PDE4C: variants seen among roughly 807,000 people sequenced by gnomAD.
The protein encoded by PDE4C is phosphodiesterase 4C.
PDE4C carries 50 observed loss-of-function variants against 63.9 expected under a neutral mutation model. The ratio of observed to expected loss-of-function variants is 0.78; its 90% CI spans 0.62 to 0.99. The LOEUF (loss-of-function observed/expected upper bound fraction) is 0.99, where lower values mean the gene tolerates loss of function less well. Among genes scored for constraint, PDE4C ranks in the 50% least tolerant of loss-of-function variants. The pLI is 0.00. For synonymous variants in PDE4C, 377 were observed against 385.1 expected (o/e 0.98, Z 0.25); for missense variants, 777 against 899.1 (o/e 0.86, Z 1.74).
chr19:18,234,012 AT>A (rs939617955), upstream of PDE4C, among the ~76,000 whole-genome samples: 2 of 152,202 alleles, frequency 1.3e-5, no homozygotes, highest in African/African-American at 4.8e-5. Flanking sequence ...GGACAGGGAA[AT>A]TGGCAAGGCT....
At chr19:18,213,119 A>G (rs1035248769) in intron 13 of PDE4C, among the ~76,000 whole-genome samples, 89 of 150,854 alleles carry the variant, frequency 5.9e-4, no homozygotes, top group African/African-American at 2.1e-3. Flanking sequence ...CGTCTCTACT[A>G]AAAATACAAA....
chr19:18,235,999 G>A (rs188883214), upstream of PDE4C, among the ~76,000 whole-genome samples: 9 of 152,044 alleles, frequency 5.9e-5, no homozygotes, highest in East Asian at 1.7e-3. Flanking sequence ...CTGGAGTGCA[G>A]TGGTGTGATC....
upstream of PDE4C, chr19:18,252,602 C>T (rs1191487374): frequency 5.2e-6 from 2 of 387,278 alleles, no homozygotes; most frequent in Non-Finnish European, 4.5e-6. Context: ...CTCTCTCTCT[C>T]TCTTTCTCTC....
intron 1 of PDE4C, 51 bp from the exon 2 acceptor site, chr19:18,222,374 C>T: frequency 6.5e-7 from 1 of 1,542,652 alleles, no homozygotes; most frequent in Non-Finnish European, 8.8e-7. Flanking sequence ...CAACTGGGTG[C>T]CGGGTCGTGG....
chr19:18,255,215 C>T, the PDE4C span: 1 of 398,852 alleles, frequency 2.5e-6, no homozygotes, highest in Non-Finnish European at 4.4e-6. The surrounding 1 kb of genome is among the most constrained non-coding windows in gnomAD (Gnocchi z 4.6). Flanking sequence ...TTTACCAGCT[C>T]TTACCTGTAA....
chr19:18,220,906 T>A lies in PDE4C; in HGVS notation c.467A>T (p.Asn156Ile). 2 of 1,607,076 alleles carry A rather than the reference T, an allele frequency of 1.2e-6. No individual in the cohort carries two copies. Among genetic ancestry groups the A allele is most frequent in the Non-Finnish European group, 8.5e-7 (1 of 1,177,788 alleles). ...AGGGAGCTGATTGCTGGATGAAGGG[T>A]TTCCGACGGGTCCCTGCCTGCGGTA... The change falls in exon 5 of 15, where the codon AAC becomes ATC. Residue 156 changes from asparagine to isoleucine, a missense_variant. This residue lies in a region of PDE4C where 249 missense variants were observed against 247.8 expected (regional missense o/e 1.00). Transcript: ENST00000262805. This position sits in a 1 kb window ranked among gnomAD's most constrained non-coding sequence, Gnocchi z 5.1.
chr19:18,220,768 G>T lies in PDE4C; in HGVS notation c.499+106C>A. 3 of 1,126,828 alleles carry T rather than the reference G, an allele frequency of 2.7e-6. No homozygotes were observed. The highest frequency in any genetic ancestry group is 1.3e-5 in the South Asian group (1 of 76,278). The allele number at this position is 1,126,828 out of a possible 1,614,324, so 69.8% of individuals were successfully genotyped here. On this transcript the variant is annotated intron_variant, in intron 5 of 14. Coordinates refer to ENST00000262805, the Ensembl canonical transcript of PDE4C. This position sits in a 1 kb window ranked among gnomAD's most constrained non-coding sequence, Gnocchi z 5.1. ...GGCGTTATTGTTTTTGCAGGGGCGG[G>T]GCTACAATTAGCCCCAGTATAAGGG...
exon 1 of PDE4C, chr19:18,233,124 T>C (rs1429669815): frequency 3.8e-6 from 6 of 1,560,410 alleles, no homozygotes; most frequent in African/African-American, 1.4e-5. Flanking sequence ...GGTCATGCTG[T>C]GGCGGCCGCG....
intron 1 of PDE4C, among the ~76,000 whole-genome samples, chr19:18,231,570 C>G (rs1968848583): frequency 1.3e-5 from 2 of 152,130 alleles, no homozygotes; most frequent in South Asian, 4.1e-4. Context: ...AGAGGCCAGG[C>G]TTGCTGATGG....
chr19:18,221,049 T>TCCGCCAGGCCCTGCCCCACC (rs533243837), intron 4 of PDE4C, 56 bp downstream of exon 4: 16 of 1,241,008 alleles, frequency 1.3e-5, no homozygotes, highest in Non-Finnish European at 1.7e-5. Context: ...CAGCCCGCTT[T>TCCGCCAGGCCCTGCCCCACC]CCGCCCACCT....
At chr19:18,242,063 C>T (rs553844638) in intron 1 of PDE4C, among the ~76,000 whole-genome samples, 2 of 152,012 alleles carry the variant, frequency 1.3e-5, no homozygotes, top group Admixed American at 6.6e-5. Flanking sequence ...GGCTTTGAGC[C>T]GAGGCCTGAA....
At chr19:18,245,108 T>C (rs559546007) in intron 1 of PDE4C, among the ~76,000 whole-genome samples, 9 of 152,130 alleles carry the variant, frequency 5.9e-5, no homozygotes, top group South Asian at 2.1e-4. Flanking sequence ...GTGCTGGGAT[T>C]ACAAGCATGA....
At chr19:18,211,191 G>A (rs1249529810) in exon 15 of PDE4C, 9 of 1,613,942 alleles carry the variant, frequency 5.6e-6, no homozygotes, top group Non-Finnish European at 4.2e-6. Flanking sequence ...GTCCTCCAGC[G>A]TGTCCAGCAG....
At chr19:18,224,411 G>A in intron 1 of PDE4C, 2 of 985,596 alleles carry the variant, frequency 2.0e-6, no homozygotes, top group Non-Finnish European at 2.4e-6. Context: ...CCCCGCGTAG[G>A]CTCAGATCTG....
At chr19:18,226,155 A>G in intron 1 of PDE4C, 115 bp downstream of exon 1, 1 of 794,052 alleles carries the variant, frequency 1.3e-6, no homozygotes. Context: ...CAGAGCGTCC[A>G]AGCCCGGACT....
intron 14 of PDE4C, among the ~76,000 whole-genome samples, 190 bp from the exon 15 acceptor site, chr19:18,211,466 C>T (rs184162018): frequency 1.3e-5 from 2 of 152,288 alleles, no homozygotes; most frequent in Admixed American, 6.5e-5. Flanking sequence ...TTCTGGCCTC[C>T]TCCAACCCCA....
exon 15 of PDE4C, chr19:18,210,877 G>T: frequency 6.6e-7 from 1 of 1,517,444 alleles, no homozygotes; most frequent in Admixed American, 2.2e-5. Flanking sequence ...TGCCTGCCAA[G>T]AGCCAAAGGG....
chr19:18,247,473 T>G (rs1395341698), intron 1 of PDE4C, among the ~76,000 whole-genome samples: 1 of 152,164 alleles, frequency 6.6e-6, no homozygotes, highest in Admixed American at 6.5e-5. Flanking sequence ...TTTTTGTGTG[T>G]CTAGTAGAGA....
the PDE4C span, chr19:18,255,236 G>A: frequency 1.8e-5 from 7 of 398,530 alleles, no homozygotes; most frequent in Admixed American, 1.8e-4. This position sits in a 1 kb window ranked among gnomAD's most constrained non-coding sequence, Gnocchi z 4.6. Context: ...AGGGAGTATT[G>A]TAATTCACAC....
Sources: gnomAD v4.1 joint callset for allele counts (sites outside exome capture counted in the v4.1 genomes callset) on GRCh38, gnomAD v4.1.1 for gene constraint, gnomAD v4.1.1 regional missense constraint, Gnocchi (gnomAD v3.1) non-coding constraint, MANE v1.5 for transcripts, NCBI Gene and HGNC (gene_info 2026-07-23, HGNC 2026-07-21) for gene names.